Variants in FHOD3 observed in about 807,000 individuals in gnomAD.
The protein encoded by FHOD3 is FH1/FH2 domain-containing protein 3.
A neutral mutation model predicts 173.0 loss-of-function variants in FHOD3; 90 were observed. The ratio of observed to expected loss-of-function variants is 0.52; its 90% CI spans 0.44 to 0.62. The LOEUF is 0.62. Ranked by LOEUF, FHOD3 falls within the 20% of genes least tolerant of loss-of-function variation. FHOD3 has a pLI of 0.00. For missense variants in FHOD3, 1,945 were observed against 2,034.7 expected (o/e 0.96, Z 0.85); for synonymous variants, 828 against 823.0 (o/e 1.01, Z -0.10).
intron 3 of FHOD3, among the ~76,000 whole-genome samples, chr18:36,415,787 C>T (rs1485698286): frequency 6.6e-6 from 1 of 152,148 alleles, no homozygotes; most frequent in Non-Finnish European, 1.5e-5. Flanking sequence ...CATTTTCATT[C>T]CATTGGCATG....
chr18:36,520,907 T>C (rs2056240645), intron 5 of FHOD3, among the ~76,000 whole-genome samples: 1 of 152,244 alleles, frequency 6.6e-6, no homozygotes, highest in Non-Finnish European at 1.5e-5. Context: ...CCTTCTCTCC[T>C]TGCTCAGTAG....
In FHOD3 at chr18:36,338,248, A is replaced by G. The variant is rs868243719; in HGVS notation, c.166-17291A>G. 3.3e-5 allele frequency among the ~76,000 whole-genome samples: 5 copies of G among 152,354 alleles called. 1 individual carries two copies. In the Middle Eastern group the frequency reaches 0.014, roughly 415 times the overall value. ...GTGAACCAGGGTCCAGATATGTAGCAGAAATGAGCTAGGCAGGCAGGTGGC... is the reference window on the plus strand; with the variant it reads ...GTGAACCAGGGTCCAGATATGTAGCGGAAATGAGCTAGGCAGGCAGGTGGC... On this transcript the variant is annotated intron_variant, in intron 1 of 28. Transcript: ENST00000590592.
At chr18:36,482,856 C>G (rs866845975) in intron 3 of FHOD3, among the ~76,000 whole-genome samples, 1,681 of 63,570 alleles carry the variant, frequency 0.026, 37 homozygotes, top group African/African-American at 0.091. Context: ...CTCACACACA[C>G]ACAGAGAGAG....
At chr18:36,305,582 A>G (rs2065896677) in intron 1 of FHOD3, among the ~76,000 whole-genome samples, 1 of 152,222 alleles carries the variant, frequency 6.6e-6, no homozygotes, top group African/African-American at 2.4e-5. Flanking sequence ...GGACAAGCCC[A>G]AGATTTTTTT....
chr18:36,651,009 A>G (rs2036011723), intron 11 of FHOD3, among the ~76,000 whole-genome samples: 1 of 152,308 alleles, frequency 6.6e-6, no homozygotes, highest in Non-Finnish European at 1.5e-5. Flanking sequence ...GTACCTAGGT[A>G]TTCATTAACC....
At chr18:36,533,137 G>T (rs1447880419) in intron 5 of FHOD3, among the ~76,000 whole-genome samples, 1 of 152,208 alleles carries the variant, frequency 6.6e-6, no homozygotes, top group Non-Finnish European at 1.5e-5. Context: ...ACTTGAACTG[G>T]GCTGTTTATA....
At chr18:36,735,966 ATACTT>A (rs1460649521) in intron 20 of FHOD3, among the ~76,000 whole-genome samples, 3 of 152,276 alleles carry the variant, frequency 2.0e-5, no homozygotes, top group African/African-American at 7.2e-5. Context: ...AAAAGCAAAT[ATACTT>A]AGAGCAATGC....
rs756732683 is a variant in FHOD3 at position 36,747,908 on chromosome 18, CCCTCCCTG to C, written c.4232+777_4232+784del. Among the ~76,000 whole-genome samples, 3 of 152,196 alleles carry C rather than the reference CCCTCCCTG, an allele frequency of 2.0e-5. No homozygotes were observed. The South Asian group carries it at 6.2e-4, about 31-fold the overall frequency. ...CCTCACCCATTCTTCCTTCCTCCCT[CCCTCCCTG>C]CCTTTCCTTTCTTTCCTCATCTCCT... On this transcript the variant is annotated intron_variant, in intron 24 of 28. Coordinates refer to ENST00000590592, the MANE Select transcript of FHOD3 (RefSeq NM_001281740.3).
At chr18:36,714,279 G>A (rs1324844877) in intron 18 of FHOD3, among the ~76,000 whole-genome samples, 1 of 152,178 alleles carries the variant, frequency 6.6e-6, no homozygotes, top group Non-Finnish European at 1.5e-5. Context: ...GCTCACACAT[G>A]TATTCCCAGC....
chr18:36,483,622 T>C (rs1355519396), intron 3 of FHOD3, among the ~76,000 whole-genome samples: 1 of 152,218 alleles, frequency 6.6e-6, no homozygotes, highest in African/African-American at 2.4e-5. Flanking sequence ...TATTTTCACA[T>C]GAACAGGGTA....
At position 36,297,948 on chromosome 18, in the gene FHOD3, C is replaced by T. The variant is rs1047727032; in HGVS notation, c.113C>T (p.Ala38Val). The T allele has an allele frequency of 6.4e-7, 1 of 1,565,964 alleles. No homozygotes were observed. Among genetic ancestry groups the T allele is most frequent in the South Asian group, 1.2e-5 (1 of 84,532 alleles). ...CTGTTCACGTTCCGCGAGGACCTCG[C>T]GCTCGGCACCCAGCTGGCGGGGGTC... ...PPLFTFREDL[A>V]LGTQLAGVHR... Residue 38 changes from alanine to valine, a missense_variant, in exon 1 of 29, where the codon GCG (alanine) becomes GTG (valine). Around this residue, in one of 5 missense-constraint regions of FHOD3, gnomAD observed 245 missense variants for 267.7 expected, o/e 0.92. Transcript: ENST00000590592.
chr18:36,766,409 T>C (rs538689129), intron 27 of FHOD3, among the ~76,000 whole-genome samples: 60 of 152,342 alleles, frequency 3.9e-4, no homozygotes, highest in Admixed American at 7.8e-4. Context: ...AAAGTGGTAT[T>C]GTGCTATTAT....
At chr18:36,772,493 A>G (rs2043428919) in intron 28 of FHOD3, among the ~76,000 whole-genome samples, 2 of 152,278 alleles carry the variant, frequency 1.3e-5, no homozygotes, top group Admixed American at 1.3e-4. Context: ...GGCTAAAGAC[A>G]ATAATAGTTC....
At chr18:36,545,679 A>T (rs1408722122) in intron 5 of FHOD3, among the ~76,000 whole-genome samples, 2 of 152,314 alleles carry the variant, frequency 1.3e-5, no homozygotes, top group East Asian at 3.9e-4. Flanking sequence ...TGTCTGTGAA[A>T]ACACTGTTGC....
At chr18:36,585,413 T>C (rs1355030775) in intron 6 of FHOD3, among the ~76,000 whole-genome samples, 1 of 152,172 alleles carries the variant, frequency 6.6e-6, no homozygotes, top group Admixed American at 6.5e-5. Flanking sequence ...TGATTTGATA[T>C]GTTAGAGTCC....
intron 3 of FHOD3, among the ~76,000 whole-genome samples, chr18:36,416,803 C>T (rs1201601367): frequency 6.6e-6 from 1 of 152,110 alleles, no homozygotes; most frequent in Non-Finnish European, 1.5e-5. Context: ...GAAAGCCAGC[C>T]CCTGCTCCCT....
intron 19 of FHOD3, among the ~76,000 whole-genome samples, chr18:36,720,744 C>T (rs1311744474): frequency 2.7e-5 from 4 of 147,378 alleles, no homozygotes; most frequent in South Asian, 2.2e-4. Context: ...TTCTCCTCCT[C>T]CTTCTTCTCC....
At chr18:36,467,016 C>T (rs894217486) in intron 3 of FHOD3, among the ~76,000 whole-genome samples, 5 of 152,136 alleles carry the variant, frequency 3.3e-5, no homozygotes, top group South Asian at 2.1e-4. Flanking sequence ...CCTGCAGGCC[C>T]CTAAGAGGGG....
intron 20 of FHOD3, among the ~76,000 whole-genome samples, chr18:36,738,901 C>A (rs1292214346): frequency 6.6e-6 from 1 of 152,136 alleles, no homozygotes; most frequent in Non-Finnish European, 1.5e-5. Flanking sequence ...TTTAGTTGTT[C>A]TAGTTCTTCT....
Sources: allele counts gnomAD v4.1 joint callset (sites outside exome capture counted in the v4.1 genomes callset), GRCh38; gene constraint gnomAD v4.1.1; regional missense constraint gnomAD v4.1.1; transcripts MANE v1.5; gene names NCBI Gene and HGNC (gene_info 2026-07-23, HGNC 2026-07-21).